The following RASEF variants were observed in gnomAD, a reference collection of about 807,000 sequenced individuals.
The protein encoded by RASEF is RAS and EF-hand domain containing, also known as ras and EF-hand domain-containing protein.
In RASEF, 68 loss-of-function variants were observed where a neutral mutation model predicts 90.1. The ratio of observed to expected loss-of-function variants is 0.75; its 90% CI spans 0.62 to 0.92. The LOEUF is 0.92. Among genes scored for constraint, RASEF ranks in the 40% least tolerant of loss-of-function variants. The pLI is 0.00. For missense variants in RASEF, 949 were observed against 937.2 expected (o/e 1.01, Z -0.16); for synonymous variants, 331 against 345.2 (o/e 0.96, Z 0.46).
Position 82,980,649 on chromosome 9 carries a change from C to A in RASEF, c.*2028G>T, listed in dbSNP as rs780857442. 2.6e-5 allele frequency: 4 copies of A among 152,164 alleles called. No individual in the cohort carries two copies. The highest frequency in any genetic ancestry group is 2.1e-4 in the South Asian group (1 of 4,832). 9.4% of individuals were successfully genotyped at this position (152,164 alleles called of 1,614,324 possible). ...ACTAACACAGTTTTGTGCAACTGCA[C>A]CAAAACCTAAACATGTGTCCCATAT... On this transcript the variant is annotated 3_prime_UTR_variant, in exon 17 of 17. Transcript: ENST00000376447.
At chr9:83,017,952 T>C (rs1200418903) in intron 3 of RASEF, among the ~76,000 whole-genome samples, 1 of 152,136 alleles carries the variant, frequency 6.6e-6, no homozygotes, top group African/African-American at 2.4e-5. Flanking sequence ...AACATGATCA[T>C]GAGACAGAAA....
At chr9:83,012,790 C>T (rs1829271762) in intron 4 of RASEF, among the ~76,000 whole-genome samples, 1 of 152,136 alleles carries the variant, frequency 6.6e-6, no homozygotes, top group African/African-American at 2.4e-5. Context: ...TTAAGCAATC[C>T]AGTTCTTGCT....
At chr9:83,186,765 T>G in the RASEF span, among the ~76,000 whole-genome samples, 3 of 152,134 alleles carry the variant, frequency 2.0e-5, no homozygotes, top group Non-Finnish European at 4.4e-5. Flanking sequence ...AAAGAAAATT[T>G]TTTCTCTAAA....
intron 1 of RASEF, among the ~76,000 whole-genome samples, chr9:83,045,825 A>G (rs1829918394): frequency 6.6e-6 from 1 of 152,180 alleles, no homozygotes; most frequent in African/African-American, 2.4e-5. Flanking sequence ...ACTGAAATGC[A>G]AGTCCATTAA....
chr9:83,115,045 C>T, the RASEF span, among the ~76,000 whole-genome samples: 8,983 of 152,148 alleles, frequency 0.059, 294 homozygotes, highest in South Asian at 0.098. Flanking sequence ...GATGTCTCCC[C>T]CAGACACCCA....
intron 1 of RASEF, among the ~76,000 whole-genome samples, chr9:83,034,256 C>A (rs1371840264): frequency 6.6e-6 from 1 of 152,184 alleles, no homozygotes. Flanking sequence ...GTCTCCTCAA[C>A]TTGGCCACAG....
the RASEF span, among the ~76,000 whole-genome samples, chr9:83,161,727 G>A: frequency 2.0e-5 from 3 of 151,626 alleles, no homozygotes; most frequent in African/African-American, 4.8e-5. Flanking sequence ...CAAATCTCAT[G>A]TTAAACTATA....
At chr9:83,125,627 C>T in the RASEF span, among the ~76,000 whole-genome samples, 2 of 152,110 alleles carry the variant, frequency 1.3e-5, no homozygotes, top group Non-Finnish European at 2.9e-5. Flanking sequence ...CCTTTTGCAA[C>T]AGTGTGGGGA....
At chr9:83,186,174 A>G in the RASEF span, among the ~76,000 whole-genome samples, 1 of 152,292 alleles carries the variant, frequency 6.6e-6, no homozygotes, top group East Asian at 1.9e-4. Flanking sequence ...AATTTGGCTC[A>G]TGATCTAAGT....
chr9:83,030,813 G>A (rs1025038898), intron 1 of RASEF, among the ~76,000 whole-genome samples: 1 of 152,084 alleles, frequency 6.6e-6, no homozygotes, highest in African/African-American at 2.4e-5. Context: ...CTCTAAAATC[G>A]CTTACAAAAT....
rs35214554 is a variant in RASEF at position 83,043,400 on chromosome 9, G to GGC, written c.432-17480_432-17479insGC. On this transcript the variant is annotated intron_variant, in intron 1 of 16. Coordinates refer to ENST00000376447, the MANE Select transcript of RASEF (RefSeq NM_152573.4). ...GGAAAGAGGGGTCTGCAGTGATTGG[G>GGC]GGGGGGGACCCTGGGCTTCTGCAAT... is the stretch of plus-strand genomic sequence containing the variant. Among the ~76,000 whole-genome samples, 33 of 59,912 alleles carry GGC rather than the reference G, an allele frequency of 5.5e-4. No homozygotes were observed. The East Asian group carries it at 0.012, about 22-fold the overall frequency. The allele number at this position is 59,912 out of a possible 152,430, so 39.3% of individuals were successfully genotyped here.
chr9:83,126,848 T>C, the RASEF span, among the ~76,000 whole-genome samples: 90 of 152,344 alleles, frequency 5.9e-4, no homozygotes, highest in African/African-American at 2.1e-3. Context: ...ACATATCATA[T>C]TACTTTTTTT....
the RASEF span, among the ~76,000 whole-genome samples, chr9:83,103,724 T>C: frequency 6.6e-6 from 1 of 152,342 alleles, no homozygotes; most frequent in African/African-American, 2.4e-5. Flanking sequence ...CTTATTTTTA[T>C]GATTGTGAAT....
chr9:83,107,657 C>T, the RASEF span, among the ~76,000 whole-genome samples: 1 of 152,192 alleles, frequency 6.6e-6, no homozygotes, highest in Non-Finnish European at 1.5e-5. Flanking sequence ...ATACTTTAGG[C>T]AGTCCTGGAC....
At chr9:83,111,945 A>G in the RASEF span, among the ~76,000 whole-genome samples, 2 of 152,034 alleles carry the variant, frequency 1.3e-5, no homozygotes, top group Admixed American at 1.3e-4. Context: ...TCTCTATACT[A>G]AGAGCTCTTA....
intron 8 of RASEF, 59 bp from the exon 9 acceptor site, chr9:83,004,645 T>C: frequency 4.1e-6 from 4 of 973,410 alleles, no homozygotes; most frequent in Non-Finnish European, 6.6e-6. Flanking sequence ...ACATTTTATA[T>C]ACACATAGGT....
chr9:83,101,399 A>G, the RASEF span, among the ~76,000 whole-genome samples: 1 of 152,212 alleles, frequency 6.6e-6, no homozygotes, highest in East Asian at 1.9e-4. Context: ...AGGCAGCCAA[A>G]TACTTCTATT....
At chr9:83,036,520 T>C (rs1180943523) in intron 1 of RASEF, among the ~76,000 whole-genome samples, 1 of 152,212 alleles carries the variant, frequency 6.6e-6, no homozygotes, top group Non-Finnish European at 1.5e-5. Context: ...ATGGTTTAAG[T>C]GTATATCTAG....
intron 1 of RASEF, among the ~76,000 whole-genome samples, chr9:83,032,448 G>A (rs139091853): frequency 2.0e-5 from 3 of 152,188 alleles, no homozygotes; most frequent in African/African-American, 2.4e-5. Flanking sequence ...AAAGATTAAG[G>A]ATCAAGTCAT....
Sources: allele counts gnomAD v4.1 joint callset (sites outside exome capture counted in the v4.1 genomes callset), GRCh38; gene constraint gnomAD v4.1.1; transcripts MANE v1.5; gene names NCBI Gene and HGNC (gene_info 2026-07-23, HGNC 2026-07-21).